The following SND1 variants were observed in gnomAD, a reference collection of about 807,000 sequenced individuals.
SND1 encodes the protein staphylococcal nuclease domain-containing protein 1.
A neutral mutation model predicts 121.7 loss-of-function variants in SND1; 38 were observed. That is an observed-to-expected ratio of 0.31 (90% CI 0.24 to 0.41). The LOEUF (loss-of-function observed/expected upper bound fraction) is 0.41. Ranked by LOEUF, SND1 falls within the 10% of genes least tolerant of loss-of-function variation. SND1 has a pLI of 1.00. For synonymous variants in SND1, 401 were observed against 447.4 expected, an observed-to-expected ratio of 0.90 and a Z score of 1.31; for missense variants, 868 against 1,184.6, an observed-to-expected ratio of 0.73 and a Z score of 3.92.
intron 14 of SND1, 122 bp downstream of exon 14, chr7:127,904,941 G>T (rs1800307338): frequency 3.0e-6 from 2 of 657,112 alleles, no homozygotes; most frequent in South Asian, 1.9e-5. Context: ...CACTGACTGT[G>T]ACTTTTCCCC....
chr7:127,879,141 A>G (rs936281885), intron 12 of SND1, among the ~76,000 whole-genome samples: 1 of 152,288 alleles, frequency 6.6e-6, no homozygotes, highest in Non-Finnish European at 1.5e-5. Flanking sequence ...TAGTAACTTC[A>G]TAAAAGATAT....
At chr7:127,915,454 A>G (rs919953045) in intron 14 of SND1, among the ~76,000 whole-genome samples, 3 of 152,066 alleles carry the variant, frequency 2.0e-5, no homozygotes, top group African/African-American at 7.2e-5. Flanking sequence ...CTCTTTTTTG[A>G]CATTTAACAT....
At chr7:127,806,958 G>GA (rs931676819) in intron 10 of SND1, among the ~76,000 whole-genome samples, 5 of 151,662 alleles carry the variant, frequency 3.3e-5, no homozygotes, top group South Asian at 2.1e-4. Flanking sequence ...GACTCTGTCT[G>GA]AAAAAAAAGG....
At chr7:127,898,068 T>G (rs560655432) in intron 13 of SND1, among the ~76,000 whole-genome samples, 1 of 152,276 alleles carries the variant, frequency 6.6e-6, no homozygotes, top group East Asian at 1.9e-4. Context: ...TGCAACTGTG[T>G]TCCCCTCATC....
chr7:128,071,716 A>G lies in SND1; in HGVS notation c.1780-2786A>G, dbSNP rs569999511. On this transcript the variant is annotated intron_variant, in intron 16 of 23. Coordinates refer to ENST00000354725, the MANE Select transcript of SND1 (RefSeq NM_014390.4). ...GTTTGTGGAGAAGGAGAGACACCGC[A>G]TGGGGTTTGGCTAGAGAGGAGCCAG... Among the ~76,000 whole-genome samples, 39 of 152,222 alleles carry G rather than the reference A, an allele frequency of 2.6e-4. 1 individual carries two copies. Among genetic ancestry groups the G allele is most frequent in the Non-Finnish European group, 5.0e-4 (34 of 68,036 alleles).
intron 15 of SND1, among the ~76,000 whole-genome samples, chr7:127,929,918 T>G (rs948749962): frequency 2.6e-5 from 4 of 152,246 alleles, no homozygotes; most frequent in Non-Finnish European, 5.9e-5. Flanking sequence ...TGACTTAATG[T>G]GTGTCTTACC....
intron 10 of SND1, among the ~76,000 whole-genome samples, chr7:127,751,281 T>C (rs1211200493): frequency 6.6e-6 from 1 of 152,160 alleles, no homozygotes; most frequent in Non-Finnish European, 1.5e-5. Flanking sequence ...TTAGCATTGC[T>C]AGGGGGCTTT....
intron 15 of SND1, among the ~76,000 whole-genome samples, chr7:127,944,478 T>G (rs1801283036): frequency 6.6e-6 from 1 of 152,202 alleles, no homozygotes; most frequent in Non-Finnish European, 1.5e-5. Flanking sequence ...GGCCCCGTTG[T>G]GGAGGAGGGT....
chr7:127,995,630 T>C lies in SND1; in HGVS notation c.1779+4574T>C, dbSNP rs3735637. 6.5e-4 allele frequency among the ~76,000 whole-genome samples: 99 copies of C among 152,350 alleles called. 2 individuals carry two copies. In the East Asian group the frequency reaches 0.016, roughly 24 times the overall value. On this transcript the variant is annotated intron_variant, in intron 16 of 23. Transcript: ENST00000354725. ...CAATCCCAAGCCACCCTTTCCTTTTTGCGGCCCTTGTTCTGAATAAAACAG... is the reference window on the plus strand; with the variant it reads ...CAATCCCAAGCCACCCTTTCCTTTTCGCGGCCCTTGTTCTGAATAAAACAG...
At chr7:127,752,299 C>A (rs1324457705) in intron 10 of SND1, among the ~76,000 whole-genome samples, 2 of 152,080 alleles carry the variant, frequency 1.3e-5, no homozygotes, top group African/African-American at 2.4e-5. Flanking sequence ...TGTTGGTAAA[C>A]CCTGTGTGGT....
rs751019502 is a variant in SND1 at position 127,698,952 on chromosome 7, A to C, written c.427A>C (p.Asn143His). 18 of 1,611,950 alleles carry C rather than the reference A, an allele frequency of 1.1e-5. No homozygotes were observed. Among genetic ancestry groups the C allele is most frequent in the Non-Finnish European group, 2.5e-6 (3 of 1,178,258 alleles). Residue 143 changes from asparagine (N) to histidine (H), a missense_variant and splice_region_variant, in exon 4 of 24, where the codon AAT becomes CAT. Transcript: ENST00000354725. ...CCGGAGAGAAGGCATGAGAGCTAAT[A>C]AGTAAGTATTCATTACTCCGCTGTC... The part of the protein sequence containing the change: ...ATRREGMRAN[N>H]PEQNRLSECE...
intron 14 of SND1, among the ~76,000 whole-genome samples, chr7:127,926,595 C>T (rs1371185069): frequency 6.9e-6 from 1 of 145,912 alleles, no homozygotes; most frequent in Non-Finnish European, 1.5e-5. Flanking sequence ...CTCTATCACC[C>T]AGGCTGGAGT....
At chr7:128,088,279 TAAAAAA>T (rs35128808) in intron 21 of SND1, among the ~76,000 whole-genome samples, 1 of 104,330 alleles carries the variant, frequency 9.6e-6, no homozygotes, top group Admixed American at 1.0e-4. Flanking sequence ...ACCCTGTCTC[TAAAAAA>T]AAAAAAAAAA....
intron 12 of SND1, among the ~76,000 whole-genome samples, chr7:127,870,644 A>G (rs1799568105): frequency 6.6e-6 from 1 of 152,192 alleles, no homozygotes; most frequent in South Asian, 2.1e-4. Flanking sequence ...GGTACAGTAA[A>G]ATTAGAGTAT....
intron 16 of SND1, chr7:128,031,085 C>A (rs1563095363): frequency 2.0e-5 from 3 of 152,604 alleles, no homozygotes; most frequent in Admixed American, 1.3e-4. Flanking sequence ...GTGGGGGAGA[C>A]AAAATGGCCT....
chr7:127,825,188 G>A (rs1451586925), intron 11 of SND1, among the ~76,000 whole-genome samples: 1 of 152,178 alleles, frequency 6.6e-6, no homozygotes, highest in Non-Finnish European at 1.5e-5. Context: ...TGGGCTCACT[G>A]CAATCTCCGC....
At chr7:128,091,972 A>G in intron 23 of SND1, 21 bp from the exon 24 acceptor site, 1 of 1,613,864 alleles carries the variant, frequency 6.2e-7, no homozygotes, top group Non-Finnish European at 8.5e-7. Flanking sequence ...CTGAAGAGCT[A>G]TTGTCTGTTT....
At chr7:128,006,456 T>G (rs1473293420) in intron 16 of SND1, among the ~76,000 whole-genome samples, 1 of 152,186 alleles carries the variant, frequency 6.6e-6, no homozygotes, top group Non-Finnish European at 1.5e-5. Flanking sequence ...ACATGCACAT[T>G]TTAAAAACTG....
Position 127,721,381 on chromosome 7 carries a change from T to C in SND1, c.1133T>C (p.Leu378Pro), listed in dbSNP as rs2116387414. 6.2e-7 allele frequency: 1 copy of C among 1,608,668 alleles called. No individual in the cohort carries two copies. The highest frequency in any genetic ancestry group is 2.2e-5 in the East Asian group (1 of 44,694). Residue 378 changes from leucine to proline, a missense_variant, in exon 10 of 24, where the codon CTG (leucine) becomes CCG (proline). Leu to Pro is a moderately conservative substitution (Grantham distance 98, BLOSUM62 -3). Around this residue, in one of 2 missense-constraint regions of SND1, gnomAD observed 743 missense variants for 1,071.3 expected, o/e 0.69. Coordinates refer to ENST00000354725, the MANE Select transcript of SND1 (RefSeq NM_014390.4). Reference sequence around the variant, plus strand: ...CTGTCCAGCATCCGACCACCGAGGCTGGAGGGGGAGAACACCCAGGTGAGA... The same window carrying C: ...CTGTCCAGCATCCGACCACCGAGGCCGGAGGGGGAGAACACCCAGGTGAGA... ...IHLSSIRPPRLEGENTQDKNK... is the reference protein window; with the variant it reads ...IHLSSIRPPRPEGENTQDKNK...
Sources: gnomAD v4.1 joint callset for allele counts (sites outside exome capture counted in the v4.1 genomes callset) on GRCh38, gnomAD v4.1.1 for gene constraint, gnomAD v4.1.1 regional missense constraint, MANE v1.5 for transcripts, NCBI Gene and HGNC (gene_info 2026-07-23, HGNC 2026-07-21) for gene names.